The following ARHGAP15 variants were observed in gnomAD, a reference collection of about 807,000 sequenced individuals.
ARHGAP15 encodes the protein Rho GTPase activating protein 15.
In ARHGAP15, 51 loss-of-function variants were observed where a neutral mutation model predicts 63.7. The ratio of observed to expected loss-of-function variants is 0.80; its 90% CI spans 0.64 to 1.01. The LOEUF (loss-of-function observed/expected upper bound fraction) is 1.01, where lower values mean the gene tolerates loss of function less well. Ranked by LOEUF, ARHGAP15 falls within the 50% of genes least tolerant of loss-of-function variation. The pLI, the probability that ARHGAP15 is intolerant of heterozygous loss-of-function variation, is 0.00. For synonymous variants in ARHGAP15, 191 were observed against 193.8 expected (o/e 0.99, Z 0.12); for missense variants, 560 against 564.6 (o/e 0.99, Z 0.08).
intron 3 of ARHGAP15, 104 bp downstream of exon 3, chr2:143,202,306 G>A: frequency 1.0e-6 from 1 of 955,394 alleles, no homozygotes; most frequent in South Asian, 1.4e-5. Context: ...TTTTTCTGTG[G>A]GTCAGGAATC....
At chr2:143,720,753 T>C (rs1685015213) in intron 13 of ARHGAP15, among the ~76,000 whole-genome samples, 1 of 152,022 alleles carries the variant, frequency 6.6e-6, no homozygotes, top group African/African-American at 2.4e-5. Context: ...ACAAACCAAA[T>C]TACCTAGCAA....
chr2:143,400,849 T>C (rs12469628), intron 6 of ARHGAP15, among the ~76,000 whole-genome samples: 32,006 of 151,960 alleles, frequency 0.21, 3,896 homozygotes, highest in Admixed American at 0.33. Flanking sequence ...ATATATGTTT[T>C]CAACAGCTGA....
chr2:143,515,473 T>G (rs772117955), intron 9 of ARHGAP15, among the ~76,000 whole-genome samples: 10 of 152,230 alleles, frequency 6.6e-5, no homozygotes, highest in Non-Finnish European at 1.0e-4. Flanking sequence ...TAGCACTCAT[T>G]GTCTCATGGT....
At chr2:143,317,829 A>G (rs533728769) in intron 6 of ARHGAP15, among the ~76,000 whole-genome samples, 1 of 152,338 alleles carries the variant, frequency 6.6e-6, no homozygotes, top group Non-Finnish European at 1.5e-5. Context: ...CGAAGCGGAA[A>G]GAATAGCCTG....
intron 11 of ARHGAP15, among the ~76,000 whole-genome samples, chr2:143,613,852 C>A (rs1350449483): frequency 6.6e-6 from 1 of 152,098 alleles, no homozygotes; most frequent in Non-Finnish European, 1.5e-5. Context: ...TTCTATACGC[C>A]CACTCCAACC....
At chr2:143,301,723 G>A (rs1225464085) in intron 6 of ARHGAP15, among the ~76,000 whole-genome samples, 2 of 151,682 alleles carry the variant, frequency 1.3e-5, no homozygotes, top group African/African-American at 4.8e-5. Context: ...CTTTCCATAT[G>A]TGTATATATG....
intron 6 of ARHGAP15, among the ~76,000 whole-genome samples, chr2:143,434,678 T>C (rs1039070859): frequency 2.6e-5 from 4 of 152,116 alleles, no homozygotes; most frequent in Non-Finnish European, 5.9e-5. Context: ...AGTTGGGAAA[T>C]GTTCATCTTC....
At chr2:143,424,074 C>T (rs768718236) in intron 6 of ARHGAP15, among the ~76,000 whole-genome samples, 10 of 152,168 alleles carry the variant, frequency 6.6e-5, no homozygotes, top group Non-Finnish European at 1.5e-4. Context: ...TTTCTATGGT[C>T]TAGAGCAGCA....
intron 1 of ARHGAP15, among the ~76,000 whole-genome samples, chr2:143,134,851 A>G (rs1689073287): frequency 6.6e-6 from 1 of 151,904 alleles, no homozygotes; most frequent in South Asian, 2.1e-4. Context: ...GTTAGCCAGG[A>G]TGGTGTCGAT....
chr2:143,365,597 G>A (rs1686260063), intron 6 of ARHGAP15, among the ~76,000 whole-genome samples: 1 of 152,172 alleles, frequency 6.6e-6, no homozygotes, highest in Admixed American at 6.5e-5. Flanking sequence ...GATCTTCTAT[G>A]TATACACCAC....
At chr2:143,495,925 G>T (rs1454504169) in intron 9 of ARHGAP15, among the ~76,000 whole-genome samples, 1 of 152,102 alleles carries the variant, frequency 6.6e-6, no homozygotes, top group East Asian at 1.9e-4. Flanking sequence ...TCATTGCTTG[G>T]GTCTGAAATA....
At chr2:143,219,738 C>A (rs1415611051) in intron 4 of ARHGAP15, among the ~76,000 whole-genome samples, 1 of 152,170 alleles carries the variant, frequency 6.6e-6, no homozygotes. Flanking sequence ...GTAGCATCAT[C>A]CAATCTAATT....
intron 8 of ARHGAP15, among the ~76,000 whole-genome samples, chr2:143,451,834 G>T (rs1490208086): frequency 1.3e-5 from 2 of 151,920 alleles, no homozygotes; most frequent in African/African-American, 2.4e-5. Context: ...CCACAGTCTT[G>T]TTCCACTTCT....
intron 13 of ARHGAP15, among the ~76,000 whole-genome samples, chr2:143,728,933 A>G (rs1685409316): frequency 6.6e-6 from 1 of 152,354 alleles, no homozygotes. Flanking sequence ...GTGGAATCCC[A>G]GCAGTCTACT....
chr2:143,490,854 C>G (rs748097357), intron 9 of ARHGAP15, among the ~76,000 whole-genome samples: 2 of 152,110 alleles, frequency 1.3e-5, no homozygotes, highest in Non-Finnish European at 2.9e-5. Flanking sequence ...TCTTGAACTC[C>G]TGGCCTCAAA....
chr2:143,304,047 G>A (rs1055721217), intron 6 of ARHGAP15, among the ~76,000 whole-genome samples: 1 of 152,070 alleles, frequency 6.6e-6, no homozygotes, highest in African/African-American at 2.4e-5. Flanking sequence ...ACAGTGTGGC[G>A]ATTCCTCAAG....
intron 2 of ARHGAP15, among the ~76,000 whole-genome samples, chr2:143,197,444 C>CT (rs576765630): frequency 6.6e-6 from 1 of 151,854 alleles, no homozygotes; most frequent in Non-Finnish European, 1.5e-5. Flanking sequence ...TTAGGAGAGA[C>CT]TTTTTTCCCT....
chr2:143,418,225 C>T (rs889845015), intron 6 of ARHGAP15, among the ~76,000 whole-genome samples: 4 of 152,100 alleles, frequency 2.6e-5, no homozygotes, highest in Non-Finnish European at 5.9e-5. Context: ...AGGACAGCCC[C>T]GTGGTAAATG....
At chr2:143,386,663 C>T (rs1173714424) in intron 6 of ARHGAP15, among the ~76,000 whole-genome samples, 1 of 152,134 alleles carries the variant, frequency 6.6e-6, no homozygotes, top group African/African-American at 2.4e-5. Flanking sequence ...TATTTATCTT[C>T]AAAATGGCCA....
Sources: allele counts gnomAD v4.1 joint callset (sites outside exome capture counted in the v4.1 genomes callset), GRCh38; gene constraint gnomAD v4.1.1; transcripts MANE v1.5; gene names NCBI Gene and HGNC (gene_info 2026-07-23, HGNC 2026-07-21).